Variants in MAML2 observed in about 807,000 individuals in gnomAD.
The protein encoded by MAML2 is mastermind-like protein 2.
MAML2 carries 22 observed loss-of-function variants against 96.1 expected under a neutral mutation model. The observed-to-expected ratio is 0.23, with a 90% confidence interval of 0.16 to 0.33. The LOEUF (loss-of-function observed/expected upper bound fraction) is 0.33, where lower values mean the gene tolerates loss of function less well. MAML2 is among the 10% of genes least tolerant of loss of function. MAML2 has a pLI of 1.00. For missense variants in MAML2, 1,367 were observed against 1,392.4 expected, an observed-to-expected ratio of 0.98 and a Z score of 0.29; for synonymous variants, 561 against 521.3, an observed-to-expected ratio of 1.08 and a Z score of -1.04.
intron 1 of MAML2, among the ~76,000 whole-genome samples, chr11:96,163,641 ATCTAG>A (rs935813688): frequency 1.3e-5 from 2 of 152,152 alleles, no homozygotes; most frequent in Non-Finnish European, 2.9e-5. Context: ...TGTGACATCT[ATCTAG>A]TCTCTCTCTA....
intron 4 of MAML2, among the ~76,000 whole-genome samples, chr11:95,980,553 A>G (rs1485177404): frequency 6.6e-6 from 1 of 152,224 alleles, no homozygotes; most frequent in African/African-American, 2.4e-5. Context: ...AAATTATCTC[A>G]TAAAGAAATT....
intron 2 of MAML2, among the ~76,000 whole-genome samples, chr11:96,021,184 C>T (rs1162461553): frequency 6.6e-6 from 1 of 152,160 alleles, no homozygotes; most frequent in African/African-American, 2.4e-5. Flanking sequence ...TGTTGAAGCT[C>T]TTGTCACACT....
At chr11:95,990,801 T>G (rs1857896946) in intron 3 of MAML2, among the ~76,000 whole-genome samples, 1 of 152,186 alleles carries the variant, frequency 6.6e-6, no homozygotes, top group Non-Finnish European at 1.5e-5. Flanking sequence ...AGATGCTTAC[T>G]TTTTATTTCA....
intron 2 of MAML2, among the ~76,000 whole-genome samples, chr11:96,057,411 A>G (rs1274040608): frequency 6.6e-6 from 1 of 152,130 alleles, no homozygotes; most frequent in African/African-American, 2.4e-5. Flanking sequence ...CTATCCATCT[A>G]TTCATTCATA....
rs1384315657 is a variant in MAML2, at chr11:96,092,770, T to C, written c.1261A>G (p.Ser421Gly). The change falls in exon 2 of 5, where the codon AGC becomes GGC. Residue 421 changes from serine (S) to glycine (G), a missense_variant. Transcript: ENST00000524717. The surrounding 1 kb of genome is among the most constrained non-coding windows in gnomAD (Gnocchi z 4.1). Reference protein sequence around the residue: ...QAQPQTGSGASRALPSWQEVS... With the variant: ...QAQPQTGSGAGRALPSWQEVS... ...TCCTGCCAGCTTGGCAAGGCCCGGC[T>C]TGCTCCGGAGCCTGTCTGAGGCTGA... 2.5e-6 allele frequency: 4 copies of C among 1,613,472 alleles called. No homozygotes were observed. The highest frequency in any genetic ancestry group is 8.5e-7 in the Non-Finnish European group (1 of 1,179,652).
At chr11:96,043,076 T>G (rs1362663302) in intron 2 of MAML2, among the ~76,000 whole-genome samples, 2 of 152,194 alleles carry the variant, frequency 1.3e-5, no homozygotes, top group Non-Finnish European at 2.9e-5. Context: ...GGGTACCACC[T>G]TTAATTTAGT....
intron 1 of MAML2, among the ~76,000 whole-genome samples, chr11:96,285,176 A>G (rs1680564752): frequency 6.6e-6 from 1 of 151,980 alleles, no homozygotes. Context: ...GATATATGAA[A>G]CCACGTCTAC....
chr11:96,070,956 G>T (rs1859336278), intron 2 of MAML2, among the ~76,000 whole-genome samples: 1 of 152,196 alleles, frequency 6.6e-6, no homozygotes, highest in Non-Finnish European at 1.5e-5. Flanking sequence ...TGTCTTCACT[G>T]GTTAATTTGT....
At chr11:96,240,557 CAAAAAAA>C (rs55659413) in intron 1 of MAML2, among the ~76,000 whole-genome samples, 17 of 51,100 alleles carry the variant, frequency 3.3e-4, no homozygotes, top group Non-Finnish European at 5.0e-4. Flanking sequence ...GACTCCGTCT[CAAAAAAA>C]AAAAAAAAAA....
chr11:96,227,137 T>A (rs555473672), intron 1 of MAML2, among the ~76,000 whole-genome samples: 1 of 152,208 alleles, frequency 6.6e-6, no homozygotes, highest in East Asian at 1.9e-4. Context: ...TTAGCTATCA[T>A]GTTAATCCTT....
rs117835936 is a variant in MAML2 at position 96,073,885 on chromosome 11, C to T, written c.2139+18007G>A. On this transcript the variant is annotated intron_variant, in intron 2 of 4. Coordinates refer to ENST00000524717, the MANE Select transcript of MAML2 (RefSeq NM_032427.4). ...GTGCAGGCTAATGGTGTTCTGTGGA[C>T]GTGTGTTCATTTCTGAATAAGTTTT... Among the ~76,000 whole-genome samples, 844 of 147,838 alleles carry T rather than the reference C, an allele frequency of 5.7e-3. 14 individuals are homozygous for T. In the East Asian group the frequency reaches 0.072, roughly 13 times the overall value.
chr11:96,252,457 C>T (rs868613795), intron 1 of MAML2, among the ~76,000 whole-genome samples: 3 of 135,500 alleles, frequency 2.2e-5, no homozygotes, highest in African/African-American at 8.4e-5. Flanking sequence ...CCTGGAGTCT[C>T]GCTCTGTCAC....
chr11:96,233,558 C>A (rs1862326370), intron 1 of MAML2, among the ~76,000 whole-genome samples: 1 of 152,140 alleles, frequency 6.6e-6, no homozygotes, highest in Non-Finnish European at 1.5e-5. Flanking sequence ...TAGGTGTACA[C>A]CACCACATCC....
intron 1 of MAML2, among the ~76,000 whole-genome samples, chr11:96,211,034 C>A (rs559728053): frequency 6.6e-6 from 1 of 152,216 alleles, no homozygotes; most frequent in Non-Finnish European, 1.5e-5. Context: ...CCTTACCTAT[C>A]TTTGGATTTT....
chr11:96,233,539 C>T (rs919517576), intron 1 of MAML2, among the ~76,000 whole-genome samples: 2 of 152,072 alleles, frequency 1.3e-5, no homozygotes, highest in Non-Finnish European at 2.9e-5. Context: ...ACCTTAGTAG[C>T]TAGGACAATA....
chr11:96,139,270 G>A (rs1860693304), intron 1 of MAML2, among the ~76,000 whole-genome samples: 1 of 152,070 alleles, frequency 6.6e-6, no homozygotes, highest in Non-Finnish European at 1.5e-5. Context: ...GAGGTCAGGA[G>A]ATCGAGACCA....
At chr11:96,026,440 C>T (rs1056454506) in intron 2 of MAML2, among the ~76,000 whole-genome samples, 9 of 152,168 alleles carry the variant, frequency 5.9e-5, no homozygotes, top group African/African-American at 2.2e-4. Flanking sequence ...AGTCTCTCAT[C>T]CTCTTAGCAA....
intron 1 of MAML2, among the ~76,000 whole-genome samples, chr11:96,134,890 T>C (rs1397435332): frequency 6.6e-6 from 1 of 152,254 alleles, no homozygotes; most frequent in African/African-American, 2.4e-5. Context: ...CAGGCATGTG[T>C]AGGGCATTAC....
At chr11:96,090,840 A>G (rs1356310748) in intron 2 of MAML2, among the ~76,000 whole-genome samples, 1 of 152,208 alleles carries the variant, frequency 6.6e-6, no homozygotes, top group Non-Finnish European at 1.5e-5. Flanking sequence ...TCTGGGCAAT[A>G]GCCACGAAAA....
Sources: allele counts gnomAD v4.1 joint callset (sites outside exome capture counted in the v4.1 genomes callset), GRCh38; gene constraint gnomAD v4.1.1; non-coding constraint Gnocchi (gnomAD v3.1); transcripts MANE v1.5; gene names NCBI Gene and HGNC (gene_info 2026-07-23, HGNC 2026-07-21).